Variants in CALD1 observed in about 807,000 individuals in gnomAD.
CALD1 encodes caldesmon 1.
A neutral mutation model predicts 99.9 loss-of-function variants in CALD1; 33 were observed. That is an observed-to-expected ratio of 0.33 (90% CI 0.25 to 0.44). CALD1 has a LOEUF of 0.44. CALD1 is among the 20% of genes least tolerant of loss of function. CALD1 has a pLI of 1.00. For missense variants in CALD1, 861 were observed against 962.1 expected (o/e 0.89, Z 1.39); for synonymous variants, 310 against 325.0 (o/e 0.95, Z 0.50).
intron 7 of CALD1, among the ~76,000 whole-genome samples, chr7:134,942,017 T>G (rs761010692): frequency 6.6e-6 from 1 of 152,134 alleles, no homozygotes; most frequent in Non-Finnish European, 1.5e-5. Context: ...GAACTTGAGG[T>G]GCAGACACTG....
intron 3 of CALD1, among the ~76,000 whole-genome samples, chr7:134,883,987 A>G (rs1281502904): frequency 1.3e-5 from 2 of 152,204 alleles, no homozygotes. Context: ...CTGTAATCCC[A>G]GCTACCTGGG....
chr7:134,821,475 A>C (rs796554831), intron 1 of CALD1, among the ~76,000 whole-genome samples: 2 of 152,052 alleles, frequency 1.3e-5, no homozygotes, highest in Non-Finnish European at 2.9e-5. Flanking sequence ...GATATCCAGA[A>C]TTTTGTTCAC....
intron 1 of CALD1, among the ~76,000 whole-genome samples, chr7:134,807,626 A>T (rs544294947): frequency 6.6e-6 from 1 of 152,340 alleles, no homozygotes; most frequent in East Asian, 1.9e-4. Context: ...TAGACTTCTC[A>T]TAATAACTGG....
chr7:134,867,585 G>A, intron 2 of CALD1, 108 bp from the exon 3 acceptor site: 2 of 491,120 alleles, frequency 4.1e-6, no homozygotes, highest in South Asian at 6.8e-5. Flanking sequence ...CTTTCTAAGA[G>A]TAAAGAAAAA....
chr7:134,816,681 A>G (rs546992110), intron 1 of CALD1, among the ~76,000 whole-genome samples: 3 of 152,172 alleles, frequency 2.0e-5, no homozygotes, highest in Non-Finnish European at 2.9e-5. Flanking sequence ...TTCCAGGCGA[A>G]TGGGTAAAAT....
chr7:134,812,257 T>G (rs777393789), intron 1 of CALD1, among the ~76,000 whole-genome samples: 1 of 152,062 alleles, frequency 6.6e-6, no homozygotes, highest in Non-Finnish European at 1.5e-5. Context: ...CTGCTTCTTA[T>G]GATAATCTCT....
intron 3 of CALD1, among the ~76,000 whole-genome samples, chr7:134,884,471 A>G (rs1801757319): frequency 6.6e-6 from 1 of 152,128 alleles, no homozygotes; most frequent in Admixed American, 6.5e-5. Context: ...TGGGAATGAG[A>G]GTTCTCCAGG....
intron 1 of CALD1, among the ~76,000 whole-genome samples, chr7:134,839,096 C>T (rs1799553007): frequency 6.6e-6 from 1 of 152,192 alleles, no homozygotes; most frequent in Non-Finnish European, 1.5e-5. Flanking sequence ...TTCCCCCACC[C>T]AGCCACTGCC....
chr7:134,833,273 A>G (rs1799303372), intron 1 of CALD1, among the ~76,000 whole-genome samples: 1 of 152,230 alleles, frequency 6.6e-6, no homozygotes, highest in South Asian at 2.1e-4. Context: ...TAAAAATACT[A>G]TCCTTTGGAG....
At chr7:134,940,441 G>A (rs913415401) in intron 6 of CALD1, among the ~76,000 whole-genome samples, 3 of 152,092 alleles carry the variant, frequency 2.0e-5, no homozygotes, top group Admixed American at 1.3e-4. Flanking sequence ...GTAAACCCTG[G>A]AATTTTTCCT....
chr7:134,794,676 G>A (rs774148407), intron 1 of CALD1, among the ~76,000 whole-genome samples: 32 of 152,040 alleles, frequency 2.1e-4, no homozygotes, highest in Non-Finnish European at 4.6e-4. Flanking sequence ...TAGTAGAAGT[G>A]GGGTTTCACC....
At chr7:134,833,379 TA>T (rs1416908249) in intron 1 of CALD1, among the ~76,000 whole-genome samples, 10 of 152,212 alleles carry the variant, frequency 6.6e-5, no homozygotes, top group African/African-American at 2.4e-5. Flanking sequence ...TTCATCTGGT[TA>T]AAATTCCACA....
intron 2 of CALD1, among the ~76,000 whole-genome samples, chr7:134,851,887 G>A (rs890017011): frequency 6.6e-6 from 1 of 152,172 alleles, no homozygotes; most frequent in African/African-American, 2.4e-5. Context: ...AGAATATGGG[G>A]CAAACAGCAC....
rs572552187 is a variant in CALD1, at chr7:134,772,333, G to A, written c.-130+27970G>A. ...TGGCCTCAAACTCCTGGGCTCAAGC[G>A]GTCTGCCTGCCTCAGCCTCCCAAAA... On this transcript the variant is annotated intron_variant, in intron 1 of 13. Coordinates refer to the CALD1 transcript ENST00000417172. Among the ~76,000 whole-genome samples, 87 of 152,136 alleles carry A rather than the reference G, an allele frequency of 5.7e-4. 1 individual carries two copies. The highest frequency in any genetic ancestry group is 1.1e-3 in the Non-Finnish European group (72 of 67,994).
chr7:134,802,220 T>C (rs1797974632), intron 1 of CALD1, among the ~76,000 whole-genome samples: 1 of 152,152 alleles, frequency 6.6e-6, no homozygotes, highest in Admixed American at 6.5e-5. Context: ...TCTATATATG[T>C]CAATTTCCAT....
At chr7:134,847,945 C>T (rs1418255409) in intron 2 of CALD1, among the ~76,000 whole-genome samples, 1 of 152,128 alleles carries the variant, frequency 6.6e-6, no homozygotes, top group African/African-American at 2.4e-5. Flanking sequence ...CCTAAGGTTC[C>T]AACTGGAATA....
chr7:134,734,707 C>G, the CALD1 span, among the ~76,000 whole-genome samples: 1 of 152,188 alleles, frequency 6.6e-6, no homozygotes, highest in Non-Finnish European at 1.5e-5. Context: ...CTCCCCTGCA[C>G]AAACTTTCTT....
chr7:134,808,711 C>A (rs1798245324), intron 1 of CALD1, among the ~76,000 whole-genome samples: 1 of 152,202 alleles, frequency 6.6e-6, no homozygotes, highest in Non-Finnish European at 1.5e-5. Flanking sequence ...AGCATTATTT[C>A]TCTGTCCTTT....
At chr7:134,808,443 T>C (rs1374524450) in intron 1 of CALD1, among the ~76,000 whole-genome samples, 1 of 152,154 alleles carries the variant, frequency 6.6e-6, no homozygotes, top group Non-Finnish European at 1.5e-5. Context: ...CAAGTGCTTT[T>C]GCACTTTAAG....
Sources: gnomAD v4.1 joint callset for allele counts (sites outside exome capture counted in the v4.1 genomes callset) on GRCh38, gnomAD v4.1.1 for gene constraint, MANE v1.5 for transcripts, NCBI Gene and HGNC (gene_info 2026-07-23, HGNC 2026-07-21) for gene names.